Variants in PRELID2 observed in about 807,000 individuals in gnomAD.
PRELID2 encodes the protein PRELI domain containing 2, also known as PRELI domain-containing protein 2.
A neutral mutation model predicts 28.4 loss-of-function variants in PRELID2; 25 were observed. The observed-to-expected ratio is 0.88, with a 90% confidence interval of 0.64 to 1.23. The LOEUF (loss-of-function observed/expected upper bound fraction) is 1.23. Ranked by LOEUF, PRELID2 falls within the 50% of genes most tolerant of loss-of-function variation. PRELID2 has a pLI of 0.00. For missense variants in PRELID2, 201 were observed against 214.4 expected, an observed-to-expected ratio of 0.94 and a Z score of 0.39; for synonymous variants, 76 against 71.6, an observed-to-expected ratio of 1.06 and a Z score of -0.31.
chr5:145,244,101 A>C, the PRELID2 span, among the ~76,000 whole-genome samples: 1 of 151,974 alleles, frequency 6.6e-6, no homozygotes, highest in African/African-American at 2.4e-5. Flanking sequence ...CTACAGGCAC[A>C]AACTACCCTG....
the PRELID2 span, chr5:145,338,163 C>G: frequency 6.6e-6 from 1 of 152,142 alleles, no homozygotes; most frequent in Non-Finnish European, 1.5e-5. Flanking sequence ...CTCTGTTTTA[C>G]TCACTGTTGA....
intron 1 of PRELID2, among the ~76,000 whole-genome samples, chr5:145,829,017 T>C (rs1755406405): frequency 6.6e-6 from 1 of 151,610 alleles, no homozygotes; most frequent in Admixed American, 6.6e-5. Flanking sequence ...TTTGGGGGTT[T>C]TTTGTTTTTG....
intron 1 of PRELID2, among the ~76,000 whole-genome samples, chr5:145,687,322 G>T (rs1755056775): frequency 6.6e-6 from 1 of 152,146 alleles, no homozygotes; most frequent in Admixed American, 6.5e-5. Context: ...TTTGCTTCCT[G>T]CATGGCCTTA....
intron 1 of PRELID2, among the ~76,000 whole-genome samples, chr5:145,628,998 T>C (rs1240080929): frequency 6.6e-6 from 1 of 152,182 alleles, no homozygotes; most frequent in African/African-American, 2.4e-5. Context: ...GTTTGAAAAT[T>C]TGCTTCGCCT....
intron 1 of PRELID2, among the ~76,000 whole-genome samples, chr5:145,645,337 G>A (rs1415654013): frequency 1.1e-4 from 10 of 90,448 alleles, no homozygotes; most frequent in Non-Finnish European, 2.0e-4. Flanking sequence ...TGCAACTCCT[G>A]CTTTTTTTTT....
intron 1 of PRELID2, among the ~76,000 whole-genome samples, chr5:145,684,212 T>A (rs1754992150): frequency 6.6e-6 from 1 of 151,794 alleles, no homozygotes; most frequent in East Asian, 1.9e-4. Flanking sequence ...ATGAAAAGAG[T>A]CAATAGTCCA....
In PRELID2 at chr5:145,664,735, T is replaced by C. The variant is rs567349030; in HGVS notation, n.70+100196A>G. On this transcript the variant is annotated intron_variant and non_coding_transcript_variant, in intron 1 of 2. Transcript: ENST00000510259. ...TGGCAAAACCACTTTGACAGGTGCA[T>C]AGAGTAGCTCTGTCTCCATTTATAC... Among the ~76,000 whole-genome samples, 5 of 152,224 alleles carry C rather than the reference T, an allele frequency of 3.3e-5. No individual in the cohort carries two copies. The South Asian group carries it at 1.0e-3, about 32-fold the overall frequency.
At chr5:145,697,007 A>T (rs1032361373) in intron 1 of PRELID2, among the ~76,000 whole-genome samples, 5 of 139,700 alleles carry the variant, frequency 3.6e-5, no homozygotes, top group Admixed American at 7.4e-5. Flanking sequence ...TCAAGCAACA[A>T]AGTGGATGTA....
chr5:145,594,846 A>C (rs999029399), intron 1 of PRELID2, among the ~76,000 whole-genome samples: 1 of 152,048 alleles, frequency 6.6e-6, no homozygotes, highest in Non-Finnish European at 1.5e-5. Context: ...GTCATAATAG[A>C]CCAGGCACGG....
chr5:145,642,389 A>G (rs1002954216), intron 1 of PRELID2, among the ~76,000 whole-genome samples: 23 of 152,158 alleles, frequency 1.5e-4, no homozygotes, highest in African/African-American at 5.5e-4. Context: ...AAAGTTATTT[A>G]AGTTCTTTGT....
chr5:145,287,121 T>C, the PRELID2 span, among the ~76,000 whole-genome samples: 2,359 of 152,278 alleles, frequency 0.015, 39 homozygotes, highest in Admixed American at 0.043. Context: ...CTGTTATCCA[T>C]TGGGGATACA....
chr5:145,788,900 C>A (rs989229468), intron 5 of PRELID2, among the ~76,000 whole-genome samples: 2 of 152,060 alleles, frequency 1.3e-5, no homozygotes, highest in African/African-American at 4.8e-5. Flanking sequence ...AGAAATCAAT[C>A]TCATTTATAG....
intron 1 of PRELID2, among the ~76,000 whole-genome samples, chr5:145,658,837 CTAGA>C: frequency 6.6e-6 from 1 of 152,150 alleles, no homozygotes; most frequent in Admixed American, 6.5e-5. Flanking sequence ...AATAAATAAG[CTAGA>C]TAGTTACAGA....
chr5:145,278,151 CT>C, the PRELID2 span, among the ~76,000 whole-genome samples: 2 of 152,154 alleles, frequency 1.3e-5, no homozygotes, highest in Non-Finnish European at 2.9e-5. Context: ...AATCCTCACA[CT>C]TTTGTTCCCT....
the PRELID2 span, among the ~76,000 whole-genome samples, chr5:145,341,716 G>GAA: frequency 7.6e-6 from 1 of 131,132 alleles, no homozygotes. Context: ...CAAAATTTTA[G>GAA]AAAAAAAAAA....
chr5:145,422,712 A>T, the PRELID2 span, among the ~76,000 whole-genome samples: 3 of 151,820 alleles, frequency 2.0e-5, no homozygotes, highest in African/African-American at 7.3e-5. Context: ...GTGTCTTTTA[A>T]TTGGAGCATT....
At chr5:145,470,987 G>A (rs1253051642), downstream of PRELID2, among the ~76,000 whole-genome samples, 2 of 151,974 alleles carry the variant, frequency 1.3e-5, no homozygotes, top group African/African-American at 4.8e-5. Flanking sequence ...TAACCCCGGA[G>A]GTATATTTGT....
At chr5:145,548,817 C>T (rs1016441444) in intron 1 of PRELID2, among the ~76,000 whole-genome samples, 7 of 152,124 alleles carry the variant, frequency 4.6e-5, no homozygotes, top group African/African-American at 1.4e-4. Flanking sequence ...GCATCTCTTC[C>T]GTATTCTTTA....
At chr5:145,417,698 C>G in the PRELID2 span, among the ~76,000 whole-genome samples, 3 of 152,048 alleles carry the variant, frequency 2.0e-5, no homozygotes, top group Non-Finnish European at 4.4e-5. Context: ...ATTCAACATC[C>G]CTTCATGTTA....
Sources: allele counts gnomAD v4.1 joint callset (sites outside exome capture counted in the v4.1 genomes callset), GRCh38; gene constraint gnomAD v4.1.1; transcripts MANE v1.5; gene names NCBI Gene and HGNC (gene_info 2026-07-23, HGNC 2026-07-21).